SH3GL2: variants seen among roughly 807,000 people sequenced by gnomAD.
The protein encoded by SH3GL2 is SH3 domain containing GRB2 like 2, endophilin A1.
SH3GL2 carries 24 observed loss-of-function variants against 46.0 expected under a neutral mutation model. That is an observed-to-expected ratio of 0.52 (90% CI 0.38 to 0.73). The LOEUF is 0.73. Ranked by LOEUF, SH3GL2 falls within the 30% of genes least tolerant of loss-of-function variation. SH3GL2 has a pLI of 0.00. For missense variants in SH3GL2, 413 were observed against 424.2 expected, an observed-to-expected ratio of 0.97 and a Z score of 0.23; for synonymous variants, 196 against 147.1, an observed-to-expected ratio of 1.33 and a Z score of -2.40.
At chr9:17,711,240 C>A (rs568184871) in intron 1 of SH3GL2, among the ~76,000 whole-genome samples, 52 of 152,000 alleles carry the variant, frequency 3.4e-4, no homozygotes, top group African/African-American at 1.3e-3. Flanking sequence ...ATTTGAAGAA[C>A]TAACTTAAAT....
intron 1 of SH3GL2, among the ~76,000 whole-genome samples, chr9:17,682,104 T>C (rs1820784909): frequency 1.3e-5 from 2 of 152,154 alleles, no homozygotes; most frequent in Admixed American, 1.3e-4. Context: ...ACTTTCACAC[T>C]GTTGGTGGGA....
At chr9:17,580,842 A>G (rs1216887307) in intron 1 of SH3GL2, among the ~76,000 whole-genome samples, 1 of 152,186 alleles carries the variant, frequency 6.6e-6, no homozygotes, top group African/African-American at 2.4e-5. Context: ...TGCGTTTACC[A>G]ACACATCTTT....
chr9:17,600,474 T>G (rs1818650869), intron 1 of SH3GL2, among the ~76,000 whole-genome samples: 1 of 151,912 alleles, frequency 6.6e-6, no homozygotes. Flanking sequence ...TTTTCTCAGT[T>G]AGATCTTCAG....
intron 1 of SH3GL2, among the ~76,000 whole-genome samples, chr9:17,733,896 T>C (rs373396681): frequency 2.1e-4 from 32 of 151,886 alleles, no homozygotes; most frequent in African/African-American, 7.7e-4. Flanking sequence ...CTGCATATTC[T>C]CACTGATAGG....
chr9:17,653,967 G>T (rs1295619968), intron 1 of SH3GL2: 1 of 416,512 alleles, frequency 2.4e-6, no homozygotes, highest in East Asian at 1.6e-4. Context: ...TTTAAACTCT[G>T]GGAAGAGCAG....
intron 1 of SH3GL2, among the ~76,000 whole-genome samples, chr9:17,608,752 G>C (rs1485584818): frequency 1.3e-5 from 2 of 152,202 alleles, no homozygotes; most frequent in African/African-American, 4.8e-5. Flanking sequence ...TAAAAACAAG[G>C]AAGTTATGAA....
chr9:17,645,182 T>TTTTTTTTTTA (rs1819781790), intron 1 of SH3GL2, among the ~76,000 whole-genome samples: 1 of 72,704 alleles, frequency 1.4e-5, no homozygotes, highest in Non-Finnish European at 2.9e-5. Flanking sequence ...TTTTTTTTTT[T>TTTTTTTTTTA]GCTTTCCATT....
intron 1 of SH3GL2, among the ~76,000 whole-genome samples, chr9:17,738,641 T>TATATATATAC (rs376280314): frequency 1.1e-5 from 1 of 88,900 alleles, no homozygotes; most frequent in Non-Finnish European, 2.3e-5. Flanking sequence ...TATATATATA[T>TATATATATAC]AGAGAGAGAG....
chr9:17,688,979 G>A (rs888336164), intron 1 of SH3GL2, among the ~76,000 whole-genome samples: 7 of 151,988 alleles, frequency 4.6e-5, no homozygotes, highest in Admixed American at 1.3e-4. Context: ...AATGGAGAGG[G>A]GGTGCAGTGG....
intron 1 of SH3GL2, among the ~76,000 whole-genome samples, chr9:17,642,815 A>G (rs936902104): frequency 6.6e-6 from 1 of 152,064 alleles, no homozygotes; most frequent in African/African-American, 2.4e-5. Flanking sequence ...TTTGCTTAGG[A>G]TTGTCTTGGC....
At chr9:17,682,856 A>G (rs1418566782) in intron 1 of SH3GL2, among the ~76,000 whole-genome samples, 3 of 152,100 alleles carry the variant, frequency 2.0e-5, no homozygotes, top group Non-Finnish European at 4.4e-5. Context: ...GTATTTGTGT[A>G]TTTCAAACTC....
intron 1 of SH3GL2, among the ~76,000 whole-genome samples, chr9:17,692,644 A>C (rs1588245479): frequency 4.5e-5 from 2 of 44,664 alleles, no homozygotes; most frequent in Middle Eastern, 0.011. Flanking sequence ...ACTCCATCTC[A>C]AAAAAAAAAA....
chr9:17,597,135 A>G (rs1157499618), intron 1 of SH3GL2, among the ~76,000 whole-genome samples: 4 of 152,372 alleles, frequency 2.6e-5, no homozygotes, highest in Admixed American at 1.3e-4. Context: ...TTTCTTGTGT[A>G]GTAATCTGCT....
At chr9:17,685,819 G>C (rs1820890826) in intron 1 of SH3GL2, among the ~76,000 whole-genome samples, 1 of 151,986 alleles carries the variant, frequency 6.6e-6, no homozygotes, top group Non-Finnish European at 1.5e-5. Context: ...CTCTGTTTTG[G>C]TACCAGTACC....
chr9:17,714,020 A>T (rs1353873392), intron 1 of SH3GL2, among the ~76,000 whole-genome samples: 1 of 151,598 alleles, frequency 6.6e-6, no homozygotes, highest in Non-Finnish European at 1.5e-5. Context: ...TTTTACTTGT[A>T]TTTCTGTGTT....
intron 1 of SH3GL2, among the ~76,000 whole-genome samples, chr9:17,596,571 G>A (rs1563775525): frequency 1.3e-5 from 2 of 152,154 alleles, no homozygotes; most frequent in African/African-American, 2.4e-5. Flanking sequence ...CCTGTAGGCA[G>A]TGCCATTCTA....
chr9:17,725,529 G>T (rs1408873517), intron 1 of SH3GL2, among the ~76,000 whole-genome samples: 1 of 152,080 alleles, frequency 6.6e-6, no homozygotes, highest in Non-Finnish European at 1.5e-5. Flanking sequence ...AGTCAGCAAG[G>T]CAGAAGGGGA....
intron 1 of SH3GL2, among the ~76,000 whole-genome samples, chr9:17,706,270 C>T (rs1338541460): frequency 6.6e-6 from 1 of 152,084 alleles, no homozygotes; most frequent in Non-Finnish European, 1.5e-5. Flanking sequence ...TTCTTCCTTT[C>T]ATACCTTTAA....
chr9:17,793,297 T>G, intron 7 of SH3GL2, 70 bp from the exon 8 acceptor site: 1 of 1,385,092 alleles, frequency 7.2e-7, no homozygotes, highest in Non-Finnish European at 1.0e-6. Context: ...TCCTGAATCT[T>G]TATATTTGCT....
Sources: gnomAD v4.1 joint callset for allele counts (sites outside exome capture counted in the v4.1 genomes callset) on GRCh38, gnomAD v4.1.1 for gene constraint, MANE v1.5 for transcripts, NCBI Gene and HGNC (gene_info 2026-07-23, HGNC 2026-07-21) for gene names.